Variants in SMARCC1 observed in about 807,000 individuals in gnomAD.
The protein encoded by SMARCC1 is SWI/SNF related BAF chromatin remodeling complex subunit C1, also known as SWI/SNF complex subunit SMARCC1.
A neutral mutation model predicts 147.4 loss-of-function variants in SMARCC1; 43 were observed. That is an observed-to-expected ratio of 0.29 (90% confidence interval 0.23 to 0.38). SMARCC1 has a LOEUF of 0.38. SMARCC1 is among the 10% of genes least tolerant of loss of function. The pLI is 1.00. For synonymous variants in SMARCC1, 495 were observed against 484.4 expected (o/e 1.02, Z -0.29); for missense variants, 1,119 against 1,381.1 (o/e 0.81, Z 3.01).
intron 14 of SMARCC1, among the ~76,000 whole-genome samples, chr3:47,685,782 G>A (rs992170702): frequency 6.6e-6 from 1 of 152,028 alleles, no homozygotes; most frequent in Non-Finnish European, 1.5e-5. Context: ...ACTTGAAACC[G>A]GGAGGCAGAG....
At chr3:47,741,724 C>T (rs941696143) in intron 3 of SMARCC1, among the ~76,000 whole-genome samples, 2 of 151,916 alleles carry the variant, frequency 1.3e-5, no homozygotes, top group Non-Finnish European at 2.9e-5. Flanking sequence ...GCTCTAATTG[C>T]CTCCAGGATA....
At chr3:47,767,039 C>T (rs1052779407) in intron 2 of SMARCC1, among the ~76,000 whole-genome samples, 2 of 151,672 alleles carry the variant, frequency 1.3e-5, no homozygotes, top group African/African-American at 2.4e-5. Context: ...CAAAATTAGC[C>T]GGGCGTGGTG....
intron 7 of SMARCC1, among the ~76,000 whole-genome samples, chr3:47,719,319 G>A (rs77844728): frequency 0.017 from 2,545 of 152,192 alleles, 84 homozygotes; most frequent in African/African-American, 0.058. Context: ...AACAGTACTA[G>A]GCAAATAAAT....
intron 12 of SMARCC1, among the ~76,000 whole-genome samples, chr3:47,691,878 T>C (rs992773137): frequency 6.6e-6 from 1 of 151,992 alleles, no homozygotes; most frequent in African/African-American, 2.4e-5. Context: ...CACGTGCCTG[T>C]AGTCCCAGCT....
chr3:47,708,223 T>C (rs936463763), intron 9 of SMARCC1, among the ~76,000 whole-genome samples: 3 of 148,562 alleles, frequency 2.0e-5, no homozygotes, highest in African/African-American at 2.5e-5. Context: ...CACTGAAGCC[T>C]TAACCTCCTG....
chr3:47,735,821 C>A (rs2034435746), intron 5 of SMARCC1, among the ~76,000 whole-genome samples: 1 of 150,278 alleles, frequency 6.7e-6, no homozygotes, highest in Non-Finnish European at 1.5e-5. Flanking sequence ...AGCAAGGATG[C>A]TAGGATAGTG....
intron 1 of SMARCC1, among the ~76,000 whole-genome samples, chr3:47,779,750 A>G (rs1409417285): frequency 6.6e-6 from 1 of 152,194 alleles, no homozygotes; most frequent in Non-Finnish European, 1.5e-5. Context: ...GGTAGAAATT[A>G]CTGAAATTTG....
At chr3:47,597,413 G>A (rs975961623) in intron 26 of SMARCC1, among the ~76,000 whole-genome samples, 6 of 151,894 alleles carry the variant, frequency 4.0e-5, no homozygotes, top group South Asian at 2.1e-4. Context: ...TGCAATCTCC[G>A]CCTCCCGGGT....
intron 1 of SMARCC1, among the ~76,000 whole-genome samples, chr3:47,780,464 T>G (rs1336714516): frequency 6.6e-6 from 1 of 152,142 alleles, no homozygotes; most frequent in Non-Finnish European, 1.5e-5. Flanking sequence ...CATTTCTGAA[T>G]GTACCACGTG....
At chr3:47,685,380 GT>G (rs2033707561) in intron 14 of SMARCC1, among the ~76,000 whole-genome samples, 1 of 152,060 alleles carries the variant, frequency 6.6e-6, no homozygotes, top group Non-Finnish European at 1.5e-5. Flanking sequence ...TTAATCTAGA[GT>G]TAATTTCAAG....
Position 47,585,674 on chromosome 3 carries a change from T to C in SMARCC1, c.*2535A>G. 6.6e-6 allele frequency: 1 copy of C among 152,358 alleles called. No individual in the cohort carries two copies. The highest frequency in any genetic ancestry group is 1.5e-5 in the Non-Finnish European group (1 of 68,042). 9.4% of individuals were successfully genotyped at this position (152,358 alleles called of 1,614,324 possible). On this transcript the variant is annotated 3_prime_UTR_variant, in exon 28 of 28. Coordinates refer to ENST00000254480, the MANE Select transcript of SMARCC1 (RefSeq NM_003074.4). ...ATGTTGGCCATCATTTTTGGAGAACTTCCACTCATTTTCACTTTGACCATG... is the reference window on the plus strand; with the variant it reads ...ATGTTGGCCATCATTTTTGGAGAACCTCCACTCATTTTCACTTTGACCATG...
rs1157129603 is a variant in SMARCC1 at position 47,671,197 on chromosome 3, A to AAAAAAAAAAAAAAAAC, written c.1840-481_1840-480insGTTTTTTTTTTTTTTT. On this transcript the variant is annotated intron_variant, in intron 18 of 27. Transcript: ENST00000254480. ...TCAAAAAAAAAAAAAAAAAAAAAAAAACACACACAAAAACCAAAACCAAAA... is the reference window on the plus strand; with the variant it reads ...TCAAAAAAAAAAAAAAAAAAAAAAAAAAAAAAAAAAAAAAACACACACACAAAAACCAAAACCAAAA... Among the ~76,000 whole-genome samples the AAAAAAAAAAAAAAAAC allele has an allele frequency of 1.2e-3, 72 of 62,326 alleles. 3 individuals are homozygous for AAAAAAAAAAAAAAAAC. Among genetic ancestry groups the AAAAAAAAAAAAAAAAC allele is most frequent in the South Asian group, 2.7e-3 (6 of 2,216 alleles). The allele number at this position is 62,326 out of a possible 152,430, so 40.9% of individuals were successfully genotyped here. A position where few individuals can be genotyped will look rare whatever the true frequency, so the allele number is the denominator to read the frequency against.
chr3:47,707,532 C>T (rs1319049907), intron 9 of SMARCC1, among the ~76,000 whole-genome samples: 1 of 151,800 alleles, frequency 6.6e-6, no homozygotes. Flanking sequence ...ATTATCAGTA[C>T]TAGATTAGGT....
chr3:47,737,661 G>A (rs1369684492), intron 4 of SMARCC1, among the ~76,000 whole-genome samples: 3 of 150,812 alleles, frequency 2.0e-5, no homozygotes, highest in Admixed American at 6.6e-5. Context: ...TCTTTTTTTT[G>A]TTTTTGTTGT....
intron 14 of SMARCC1, among the ~76,000 whole-genome samples, chr3:47,684,007 CTT>C (rs2033687563): frequency 6.6e-6 from 1 of 151,612 alleles, no homozygotes; most frequent in Non-Finnish European, 1.5e-5. Context: ...AATCCCAGCA[CTT>C]TGGGAGGCCG....
At chr3:47,665,607 A>T (rs185738934) in intron 19 of SMARCC1, among the ~76,000 whole-genome samples, 1 of 152,324 alleles carries the variant, frequency 6.6e-6, no homozygotes, top group East Asian at 1.9e-4. Context: ...CATCCAGAAG[A>T]GCACAGAGTT....
chr3:47,694,599 C>T (rs1260041934), intron 11 of SMARCC1, among the ~76,000 whole-genome samples: 1 of 152,070 alleles, frequency 6.6e-6, no homozygotes, highest in Non-Finnish European at 1.5e-5. Context: ...GACTCAGTCT[C>T]AAAAACAACA....
intron 26 of SMARCC1, among the ~76,000 whole-genome samples, chr3:47,598,235 C>T (rs980412602): frequency 1.3e-5 from 2 of 152,100 alleles, no homozygotes; most frequent in South Asian, 2.1e-4. Context: ...TGAAGGACAA[C>T]AGGAGATGAT....
intron 13 of SMARCC1, 50 bp from the exon 14 acceptor site, chr3:47,686,220 A>ATGT: frequency 6.8e-7 from 1 of 1,469,108 alleles, no homozygotes; most frequent in Non-Finnish European, 9.4e-7. Flanking sequence ...ACAGAGAGAG[A>ATGT]TATATATAAC....
Sources: gnomAD v4.1 joint callset for allele counts (sites outside exome capture counted in the v4.1 genomes callset) on GRCh38, gnomAD v4.1.1 for gene constraint, MANE v1.5 for transcripts, NCBI Gene and HGNC (gene_info 2026-07-23, HGNC 2026-07-21) for gene names.